Variants in PAPPA observed in about 807,000 individuals in gnomAD.
PAPPA encodes the protein pappalysin 1, also known as pappalysin-1.
In PAPPA, 60 loss-of-function variants were observed where a neutral mutation model predicts 164.0. That is an observed-to-expected ratio of 0.37 (90% CI 0.30 to 0.45). The LOEUF is 0.45. Among genes scored for constraint, PAPPA ranks in the 20% least tolerant of loss-of-function variants. The pLI is 1.00. For synonymous variants in PAPPA, 875 were observed against 814.1 expected (o/e 1.07, Z -1.27); for missense variants, 1,782 against 2,087.3 (o/e 0.85, Z 2.85).
Position 116,396,649 on chromosome 9 carries a change from CGCCAGG to C in PAPPA, c.*34_*39del. On this transcript the variant is annotated 3_prime_UTR_variant, in exon 22 of 22. Transcript: ENST00000328252. ...CAAGAAGTTGTCAAAGAATTCCCAACGCCAGGACCCACATCCCTTTGGTATTGATTT... is the reference window on the plus strand; with the variant it reads ...CAAGAAGTTGTCAAAGAATTCCCAACACCCACATCCCTTTGGTATTGATTT... 1 of 777,254 alleles carries C rather than the reference CGCCAGG, an allele frequency of 1.3e-6. No homozygotes were observed. The highest frequency in any genetic ancestry group is 1.3e-5 in the South Asian group (1 of 74,154). 48.1% of individuals were successfully genotyped at this position (777,254 alleles called of 1,614,324 possible).
At chr9:116,363,313 C>T (rs899410930) in intron 18 of PAPPA, among the ~76,000 whole-genome samples, 1 of 152,122 alleles carries the variant, frequency 6.6e-6, no homozygotes, top group Non-Finnish European at 1.5e-5. Flanking sequence ...GGAACATGCT[C>T]CCAAATCCTG....
At chr9:116,304,309 T>TAA (rs1165413629) in intron 10 of PAPPA, among the ~76,000 whole-genome samples, 2 of 152,236 alleles carry the variant, frequency 1.3e-5, no homozygotes, top group East Asian at 3.8e-4. Context: ...TGACTGTAGA[T>TAA]ACACACACAT....
At chr9:116,167,123 C>T (rs1472765066) in intron 1 of PAPPA, among the ~76,000 whole-genome samples, 1 of 149,904 alleles carries the variant, frequency 6.7e-6, no homozygotes, top group Admixed American at 6.6e-5. Context: ...CATTTCCCAC[C>T]TTTAACTAGT....
chr9:116,394,846 G>A (rs1179285792), intron 21 of PAPPA, among the ~76,000 whole-genome samples: 2 of 152,160 alleles, frequency 1.3e-5, no homozygotes, highest in East Asian at 3.9e-4. Flanking sequence ...GTAGCCATAA[G>A]TACAAAGAGT....
At chr9:116,172,488 G>T (rs910588787) in intron 1 of PAPPA, among the ~76,000 whole-genome samples, 1 of 152,194 alleles carries the variant, frequency 6.6e-6, no homozygotes, top group African/African-American at 2.4e-5. Context: ...TCCCCAGTGT[G>T]ATGATCAAAA....
chr9:116,193,060 G>GT (rs1388333531), intron 2 of PAPPA, among the ~76,000 whole-genome samples: 4 of 152,080 alleles, frequency 2.6e-5, no homozygotes, highest in Admixed American at 2.6e-4. Flanking sequence ...ATACACTGTT[G>GT]TCTCATAAGG....
In PAPPA at chr9:116,292,428, T is replaced by G. The variant is rs117746133; in HGVS notation, c.2954-10329T>G. Among the ~76,000 whole-genome samples, 1,443 of 152,234 alleles carry G rather than the reference T, an allele frequency of 9.5e-3. 14 individuals carry two copies. Among genetic ancestry groups the G allele is most frequent in the South Asian group, 0.036 (173 of 4,826 alleles). On this transcript the variant is annotated intron_variant, in intron 9 of 21. Coordinates refer to ENST00000328252, the MANE Select transcript of PAPPA (RefSeq NM_002581.5). The stretch of plus-strand genomic sequence containing the variant: ...ATGATAGAACAAATTAGATCTATTT[T>G]AAATATCCCAGGGAAAAGGAGCCTA...
At chr9:116,383,926 T>A (rs1011232900) in intron 21 of PAPPA, among the ~76,000 whole-genome samples, 1 of 152,086 alleles carries the variant, frequency 6.6e-6, no homozygotes, top group African/African-American at 2.4e-5. Flanking sequence ...TATTGGAAAA[T>A]TCAGAAAGAA....
intron 2 of PAPPA, among the ~76,000 whole-genome samples, chr9:116,195,335 G>A (rs920867721): frequency 7.5e-6 from 1 of 132,516 alleles, no homozygotes; most frequent in Non-Finnish European, 1.8e-5. Context: ...CAGAATAGAG[G>A]GGTGAACTGA....
intron 7 of PAPPA, among the ~76,000 whole-genome samples, chr9:116,253,891 A>G (rs1844890865): frequency 6.6e-6 from 1 of 152,164 alleles, no homozygotes. Flanking sequence ...TCCTACAGGG[A>G]ATATTTGGTC....
intron 19 of PAPPA, among the ~76,000 whole-genome samples, chr9:116,374,791 G>A (rs1846627935): frequency 6.6e-6 from 1 of 152,154 alleles, no homozygotes; most frequent in Non-Finnish European, 1.5e-5. Flanking sequence ...TTTTGACTGG[G>A]AACAGACTCT....
chr9:116,248,266 G>A (rs1474050004), intron 7 of PAPPA, among the ~76,000 whole-genome samples: 1 of 152,198 alleles, frequency 6.6e-6, no homozygotes, highest in Non-Finnish European at 1.5e-5. Flanking sequence ...AACACACCAT[G>A]TGCTGGCCCT....
chr9:116,296,538 A>G (rs956000988), intron 9 of PAPPA, among the ~76,000 whole-genome samples: 2 of 152,202 alleles, frequency 1.3e-5, no homozygotes, highest in African/African-American at 2.4e-5. Context: ...ACAGACAGAC[A>G]GTGAGGAAAC....
chr9:116,183,676 T>C (rs1843934032), intron 1 of PAPPA, among the ~76,000 whole-genome samples: 1 of 152,240 alleles, frequency 6.6e-6, no homozygotes, highest in South Asian at 2.1e-4. Context: ...TATTTCCCTC[T>C]GAACTTGTGA....
intron 19 of PAPPA, among the ~76,000 whole-genome samples, chr9:116,374,242 GTAA>G (rs1846620560): frequency 7.3e-6 from 1 of 136,976 alleles, no homozygotes; most frequent in East Asian, 2.3e-4. Context: ...GATGATGATG[GTAA>G]TTGCAACCAG....
Position 116,347,386 on chromosome 9 carries a change from G to T in PAPPA, c.3964+177G>T, listed in dbSNP as rs1260734817. 9.2e-5 allele frequency among the ~76,000 whole-genome samples: 14 copies of T among 151,594 alleles called. No homozygotes were observed. The stretch of plus-strand genomic sequence containing the variant: ...ACTGCCCTGCTATGCAGATAAGAAA[G>T]AAAAAAGAGTGTATGGATAATTATG... On this transcript the variant is annotated intron_variant, in intron 15 of 21. Transcript: ENST00000328252. This position sits in a 1 kb window ranked among gnomAD's most constrained non-coding sequence, Gnocchi z 4.5.
In PAPPA at chr9:116,337,275, G is replaced by A. The variant is rs1488411637; in HGVS notation, c.3611+2201G>A. Among the ~76,000 whole-genome samples the A allele has an allele frequency of 2.6e-5, 4 of 152,310 alleles. No homozygotes were observed. In the South Asian group the frequency reaches 8.3e-4, roughly 32 times the overall value. ...AGGCTATGACAGGCTGAATCTTGAG[G>A]GCTGAGGCTGCAGGGCAGGAGCACC... On this transcript the variant is annotated intron_variant, in intron 13 of 21. Coordinates refer to ENST00000328252, the MANE Select transcript of PAPPA (RefSeq NM_002581.5).
At chr9:116,302,695 T>C (rs1247122324) in intron 9 of PAPPA, 62 bp from the exon 10 acceptor site, 5 of 1,410,896 alleles carry the variant, frequency 3.5e-6, no homozygotes, top group Non-Finnish European at 4.9e-6. Context: ...CTGCTGATGA[T>C]TGCTGAGGCC....
intron 10 of PAPPA, among the ~76,000 whole-genome samples, chr9:116,310,987 G>A (rs1193668778): frequency 6.6e-6 from 1 of 150,772 alleles, no homozygotes; most frequent in African/African-American, 2.4e-5. Flanking sequence ...AAGTTTTAAA[G>A]AAACACTTCT....
Sources: allele counts gnomAD v4.1 joint callset (sites outside exome capture counted in the v4.1 genomes callset), GRCh38; gene constraint gnomAD v4.1.1; non-coding constraint Gnocchi (gnomAD v3.1); transcripts MANE v1.5; gene names NCBI Gene and HGNC (gene_info 2026-07-23, HGNC 2026-07-21).